The following MPPED1 variants were observed in gnomAD, a reference collection of about 807,000 sequenced individuals.
The protein encoded by MPPED1 is metallophosphoesterase domain-containing protein 1.
MPPED1 carries 16 observed loss-of-function variants against 36.2 expected under a neutral mutation model. The ratio of observed to expected loss-of-function variants is 0.44; its 90% CI spans 0.30 to 0.67. The LOEUF is 0.67. MPPED1 is among the 30% of genes least tolerant of loss of function. MPPED1 has a pLI of 0.10. For synonymous variants in MPPED1, 199 were observed against 191.3 expected (o/e 1.04, Z -0.33); for missense variants, 307 against 453.4 (o/e 0.68, Z 2.93).
intron 3 of MPPED1, among the ~76,000 whole-genome samples, chr22:43,465,378 G>A (rs545820760): frequency 2.0e-5 from 3 of 152,342 alleles, no homozygotes; most frequent in South Asian, 4.1e-4. Context: ...TCCTGTAGCC[G>A]ATCACTTAGG....
At chr22:43,477,186 T>A (rs1931603045) in intron 4 of MPPED1, among the ~76,000 whole-genome samples, 1 of 152,216 alleles carries the variant, frequency 6.6e-6, no homozygotes, top group Admixed American at 6.5e-5. Flanking sequence ...TCTGAACCTC[T>A]GTTATGTGTC....
At chr22:43,451,075 C>T (rs1411732673) in intron 3 of MPPED1, among the ~76,000 whole-genome samples, 3 of 145,888 alleles carry the variant, frequency 2.1e-5, no homozygotes, top group Admixed American at 7.0e-5. Flanking sequence ...GGGGCCATCT[C>T]GGTTCGCTGC....
chr22:43,494,221 G>A lies in MPPED1; in HGVS notation c.633-4014G>A, dbSNP rs147402613. On this transcript the variant is annotated intron_variant, in intron 4 of 6. Transcript: ENST00000443721. ...CGACTAATTTTTTAAAAATATTTTT[G>A]TAGAGACAGTGTCTTACTGTGTTGC... Among the ~76,000 whole-genome samples, 469 of 152,156 alleles carry A rather than the reference G, an allele frequency of 3.1e-3. 2 individuals carry two copies. Among genetic ancestry groups the A allele is most frequent in the African/African-American group, 0.011 (444 of 41,518 alleles).
At position 43,505,643 on chromosome 22, in the gene MPPED1, C is replaced by T. The variant is rs779876890; in HGVS notation, c.*27C>T. The T allele has an allele frequency of 1.2e-5, 19 of 1,571,652 alleles. No individual in the cohort carries two copies. Among genetic ancestry groups the T allele is most frequent in the East Asian group, 4.7e-5 (2 of 43,006 alleles). ...TGCTCCCCACTGCCCCTGCCCTGCC[C>T]GCCCGTGTCAGCTCCACAGGCCTGG... On this transcript the variant is annotated 3_prime_UTR_variant, in exon 7 of 7. Coordinates refer to ENST00000443721, the MANE Select transcript of MPPED1 (RefSeq NM_001044370.2).
At chr22:43,443,425 G>A (rs961090983) in intron 3 of MPPED1, among the ~76,000 whole-genome samples, 13 of 152,170 alleles carry the variant, frequency 8.5e-5, no homozygotes, top group East Asian at 1.9e-4. Flanking sequence ...AGGTGTCTGC[G>A]AGAGGCCAGG....
chr22:43,478,932 C>T (rs117382591), intron 4 of MPPED1, among the ~76,000 whole-genome samples: 3,418 of 152,244 alleles, frequency 0.022, 50 homozygotes, highest in Middle Eastern at 0.071. Context: ...GAGAGGGACC[C>T]TCAGCTGCCG....
At chr22:43,487,089 C>T (rs1315389187) in intron 4 of MPPED1, among the ~76,000 whole-genome samples, 5 of 152,220 alleles carry the variant, frequency 3.3e-5, no homozygotes, top group Non-Finnish European at 7.4e-5. Context: ...TTTCATTCTT[C>T]GTTCATTCAT....
chr22:43,490,645 G>A (rs1932053744), intron 4 of MPPED1, among the ~76,000 whole-genome samples: 1 of 152,206 alleles, frequency 6.6e-6, no homozygotes, highest in South Asian at 2.1e-4. Flanking sequence ...CCATACTGAT[G>A]AGGCTTCCTC....
chr22:43,469,228 G>T (rs540743165), intron 3 of MPPED1, among the ~76,000 whole-genome samples: 2 of 152,272 alleles, frequency 1.3e-5, no homozygotes, highest in Admixed American at 1.3e-4. Flanking sequence ...GCTGCAGGGA[G>T]GAATAGCAGC....
intron 1 of MPPED1, chr22:43,419,221 C>G (rs547602577): frequency 6.6e-6 from 1 of 152,300 alleles, no homozygotes; most frequent in East Asian, 1.9e-4. Context: ...ATTCACATAT[C>G]ATTTTATTCT....
rs9612082 is a variant in MPPED1 at position 43,473,236 on chromosome 22, G to A, written c.407-1500G>A. Among the ~76,000 whole-genome samples, 256 of 152,272 alleles carry A rather than the reference G, an allele frequency of 1.7e-3. 2 individuals carry two copies. The highest frequency in any genetic ancestry group is 3.2e-3 in the Non-Finnish European group (219 of 68,022). On this transcript the variant is annotated intron_variant, in intron 3 of 6. Transcript: ENST00000443721. ...TGCCCGTGCTGCTGGGCATTGCCCC[G>A]GGAGGGTGAGGAGTGAAGGGGGTGT...
At chr22:43,504,168 T>TGATGATG (rs1932771738) in intron 6 of MPPED1, among the ~76,000 whole-genome samples, 1 of 152,102 alleles carries the variant, frequency 6.6e-6, no homozygotes, top group Non-Finnish European at 1.5e-5. Flanking sequence ...ATGATACTGA[T>TGATGATG]GATGATGGTA....
At position 43,503,235 on chromosome 22, in the gene MPPED1, G is replaced by A. The variant is rs543385459; in HGVS notation, c.862+478G>A. 2.1e-4 allele frequency among the ~76,000 whole-genome samples: 32 copies of A among 152,276 alleles called. No homozygotes were observed. In the East Asian group the frequency reaches 5.0e-3, roughly 24 times the overall value. On this transcript the variant is annotated intron_variant, in intron 6 of 6. Transcript: ENST00000443721. ...TGATGGTGAGGGTGATGTCAGCTCC[G>A]GTTCTATCATCCACATGGCCACGCC... is the stretch of plus-strand genomic sequence containing the variant.
intron 1 of MPPED1, among the ~76,000 whole-genome samples, chr22:43,415,621 A>G (rs999200704): frequency 6.6e-6 from 1 of 152,158 alleles, no homozygotes; most frequent in Non-Finnish European, 1.5e-5. Flanking sequence ...TTGGACCTGA[A>G]CTTGGCCAGC....
intron 3 of MPPED1, among the ~76,000 whole-genome samples, chr22:43,464,679 T>A (rs2146872720): frequency 6.6e-6 from 1 of 152,272 alleles, no homozygotes; most frequent in African/African-American, 2.4e-5. Context: ...TAAGTCAGAC[T>A]GCAGCTCTTG....
chr22:43,412,668 C>CCCATCCATCCATCCATCCATCCAT (rs59354174), intron 1 of MPPED1, among the ~76,000 whole-genome samples: 56 of 149,278 alleles, frequency 3.8e-4, no homozygotes, highest in Non-Finnish European at 5.9e-4. Context: ...ATCCCTCCCT[C>CCCATCCATCCATCCATCCATCCAT]CCATCCATCC....
At chr22:43,489,251 C>T (rs1242854943) in intron 4 of MPPED1, among the ~76,000 whole-genome samples, 1 of 152,104 alleles carries the variant, frequency 6.6e-6, no homozygotes, top group Non-Finnish European at 1.5e-5. Context: ...CTTCTTTTGT[C>T]TCCTCTGCCC....
chr22:43,427,358 G>C (rs773100770), intron 2 of MPPED1, among the ~76,000 whole-genome samples: 1 of 152,164 alleles, frequency 6.6e-6, no homozygotes, highest in Non-Finnish European at 1.5e-5. Context: ...AGGAATAGGC[G>C]TAGCAAGTTG....
Position 43,502,131 on chromosome 22 carries a change from G to A in MPPED1, c.749-513G>A, listed in dbSNP as rs899085709. Among the ~76,000 whole-genome samples, 8 of 152,156 alleles carry A rather than the reference G, an allele frequency of 5.3e-5. No homozygotes were observed. The highest frequency in any genetic ancestry group is 1.3e-4 in the Admixed American group (2 of 15,280). ...GCCACGTGAGCGATGCTGCACCCACGGAGGAAGTTTCTGCTCATGAGTCTG... is the reference window on the plus strand; with the variant it reads ...GCCACGTGAGCGATGCTGCACCCACAGAGGAAGTTTCTGCTCATGAGTCTG... On this transcript the variant is annotated intron_variant, in intron 5 of 6. Coordinates refer to ENST00000443721, the MANE Select transcript of MPPED1 (RefSeq NM_001044370.2). This position sits in a 1 kb window ranked among gnomAD's most constrained non-coding sequence, Gnocchi z 5.5.
Sources: allele counts gnomAD v4.1 joint callset (sites outside exome capture counted in the v4.1 genomes callset), GRCh38; gene constraint gnomAD v4.1.1; non-coding constraint Gnocchi (gnomAD v3.1); transcripts MANE v1.5; gene names NCBI Gene and HGNC (gene_info 2026-07-23, HGNC 2026-07-21).